The following SNRPN variants were observed in gnomAD, a reference collection of about 807,000 sequenced individuals.
SNRPN encodes the protein small nuclear ribonucleoprotein-associated protein N.
Under a neutral mutation model 25.2 loss-of-function variants are expected in SNRPN, and 7 were observed. The observed-to-expected ratio is 0.28, with a 90% CI of 0.16 to 0.52. The LOEUF (loss-of-function observed/expected upper bound fraction) is 0.52. Ranked by LOEUF, SNRPN falls within the 20% of genes least tolerant of loss-of-function variation. SNRPN has a pLI of 0.96. For synonymous variants in SNRPN, 124 were observed against 110.6 expected (o/e 1.12, Z -0.76); for missense variants, 196 against 322.5 (o/e 0.61, Z 3.00).
chr15:24,865,474 T>C (rs1425792722), intron 1 of SNRPN, among the ~76,000 whole-genome samples: 2 of 152,180 alleles, frequency 1.3e-5, no homozygotes, highest in African/African-American at 4.8e-5. Context: ...TGGGCTCTTA[T>C]CAGGAGAAAG....
intron 2 of SNRPN, among the ~76,000 whole-genome samples, chr15:24,916,282 G>A (rs969211657): frequency 1.3e-5 from 2 of 152,184 alleles, no homozygotes; most frequent in Non-Finnish European, 2.9e-5. Context: ...TTCTTTTAAG[G>A]AGCAATGTGG....
At chr15:24,909,376 G>A (rs1416812241) in intron 2 of SNRPN, 6 of 1,600,470 alleles carry the variant, frequency 3.7e-6, no homozygotes, top group Non-Finnish European at 5.1e-6. Flanking sequence ...TTCTGGCAAG[G>A]CCTGCATCCA....
intron 2 of SNRPN, among the ~76,000 whole-genome samples, chr15:24,843,142 C>T (rs747115895): frequency 2.4e-4 from 36 of 152,168 alleles, no homozygotes; most frequent in Non-Finnish European, 4.4e-4. Context: ...CCTGCAACCT[C>T]GGCTCACTGC....
At chr15:24,883,556 T>A (rs925477097) in intron 1 of SNRPN, among the ~76,000 whole-genome samples, 10 of 152,234 alleles carry the variant, frequency 6.6e-5, no homozygotes, top group African/African-American at 2.4e-4. Context: ...AATTGCACTT[T>A]GGATAATAAC....
chr15:24,829,237 C>A (rs996612482), intron 1 of SNRPN, among the ~76,000 whole-genome samples: 3 of 152,046 alleles, frequency 2.0e-5, no homozygotes, highest in Admixed American at 6.5e-5. Flanking sequence ...GAAAACGCAA[C>A]AGAAACTAAA....
At chr15:24,825,569 A>G (rs2050026262) in intron 1 of SNRPN, among the ~76,000 whole-genome samples, 1 of 152,100 alleles carries the variant, frequency 6.6e-6, no homozygotes, top group South Asian at 2.1e-4. Flanking sequence ...AATTGAAAAT[A>G]TCACCATAAA....
chr15:24,840,494 CA>C (rs1330108111), intron 2 of SNRPN, among the ~76,000 whole-genome samples: 4 of 152,224 alleles, frequency 2.6e-5, no homozygotes, highest in Non-Finnish European at 5.9e-5. Context: ...CATCAGGTTG[CA>C]CACAACTGTG....
intron 3 of SNRPN, among the ~76,000 whole-genome samples, chr15:24,930,843 G>A (rs1419134502): frequency 2.6e-5 from 4 of 151,338 alleles, no homozygotes; most frequent in South Asian, 2.1e-4. Flanking sequence ...AGGTTGCAGC[G>A]AGCCAAGATT....
At chr15:24,890,498 A>C (rs1186590110) in intron 2 of SNRPN, among the ~76,000 whole-genome samples, 1 of 152,094 alleles carries the variant, frequency 6.6e-6, no homozygotes, top group Admixed American at 6.6e-5. Flanking sequence ...AACATGGTGA[A>C]ACCCCACCTC....
At position 24,929,108 on chromosome 15, in the gene SNRPN, C is replaced by T. The variant is rs568308962; in HGVS notation, c.-391+8984C>T. 2.2e-4 allele frequency among the ~76,000 whole-genome samples: 34 copies of T among 152,100 alleles called. No individual in the cohort carries two copies. Among genetic ancestry groups the T allele is most frequent in the South Asian group, 4.2e-4 (2 of 4,814 alleles). ...TTGCTTTTAGGCCCTTCCAGATATA[C>T]GGGATATAAAGATATAGCTATATGT... On this transcript the variant is annotated intron_variant, in intron 3 of 11. Transcript: ENST00000400097. The surrounding 1 kb of genome is among the most constrained non-coding windows in gnomAD (Gnocchi z 5.3).
At chr15:24,932,114 TC>T (rs1464220173) in intron 3 of SNRPN, among the ~76,000 whole-genome samples, 1 of 152,106 alleles carries the variant, frequency 6.6e-6, no homozygotes, top group African/African-American at 2.4e-5. Flanking sequence ...TTGGGAGGCT[TC>T]ACTTTTTTCA....
intron 1 of SNRPN, among the ~76,000 whole-genome samples, chr15:24,828,805 A>G (rs962288792): frequency 1.3e-5 from 2 of 152,136 alleles, no homozygotes; most frequent in Non-Finnish European, 2.9e-5. Flanking sequence ...TTGGAAATCA[A>G]GAAAAAAAAT....
intron 3 of SNRPN, among the ~76,000 whole-genome samples, chr15:24,936,860 T>C (rs960697843): frequency 1.3e-5 from 2 of 152,112 alleles, no homozygotes; most frequent in Non-Finnish European, 2.9e-5. Context: ...TCAAACCACA[T>C]CAGGGACCAA....
At position 24,974,419 on chromosome 15, in the gene SNRPN, T is replaced by C; in HGVS notation, c.-35T>C. 6.2e-7 allele frequency: 1 copy of C among 1,611,530 alleles called. No individual in the cohort carries two copies. Among genetic ancestry groups the C allele is most frequent in the Non-Finnish European group, 8.5e-7 (1 of 1,177,652 alleles). On this transcript the variant is annotated 5_prime_UTR_variant, in exon 4 of 10. Transcript: ENST00000390687. ...CTAGGTCTTCAGAAGCATCAAGTTT[T>C]AACTGTGGACATTGGATTTGGTGGA...
At chr15:24,856,273 A>T (rs533648503), upstream of SNRPN, among the ~76,000 whole-genome samples, 1 of 152,264 alleles carries the variant, frequency 6.6e-6, no homozygotes, top group African/African-American at 2.4e-5. Flanking sequence ...TACTGATGAC[A>T]CTTAGGTCTT....
At chr15:24,826,131 G>T (rs759410777) in intron 1 of SNRPN, among the ~76,000 whole-genome samples, 1 of 152,018 alleles carries the variant, frequency 6.6e-6, no homozygotes, top group South Asian at 2.1e-4. Context: ...TCTTCTCGAT[G>T]TGTCCTTCCC....
chr15:24,831,125 G>A (rs146929500), intron 2 of SNRPN, among the ~76,000 whole-genome samples: 23 of 151,984 alleles, frequency 1.5e-4, no homozygotes, highest in Admixed American at 2.6e-4. Flanking sequence ...GTTGTTACAT[G>A]CATATATATT....
At chr15:24,910,595 A>C (rs1189513657) in intron 2 of SNRPN, among the ~76,000 whole-genome samples, 1 of 152,012 alleles carries the variant, frequency 6.6e-6, no homozygotes, top group East Asian at 1.9e-4. Flanking sequence ...CCCGGGTTCA[A>C]GTGATTCTCC....
chr15:24,934,897 T>C (rs2061125283), intron 3 of SNRPN, among the ~76,000 whole-genome samples: 1 of 152,190 alleles, frequency 6.6e-6, no homozygotes. Context: ...AGGTACTCAG[T>C]TGCTTGTGCA....
Sources: gnomAD v4.1 joint callset for allele counts (sites outside exome capture counted in the v4.1 genomes callset) on GRCh38, gnomAD v4.1.1 for gene constraint, Gnocchi (gnomAD v3.1) non-coding constraint, MANE v1.5 for transcripts, NCBI Gene and HGNC (gene_info 2026-07-23, HGNC 2026-07-21) for gene names.